The following SOCS7 variants were observed in gnomAD, a reference collection of about 807,000 sequenced individuals.
The protein encoded by SOCS7 is suppressor of cytokine signaling 7.
A neutral mutation model predicts 58.9 loss-of-function variants in SOCS7; 18 were observed. The observed-to-expected ratio is 0.31, with a 90% CI of 0.21 to 0.45. SOCS7 has a LOEUF of 0.45. SOCS7 is among the 20% of genes least tolerant of loss of function. SOCS7 has a pLI of 1.00. For missense variants in SOCS7, 667 were observed against 837.3 expected (o/e 0.80, Z 2.51); for synonymous variants, 388 against 364.3 (o/e 1.06, Z -0.74).
intron 7 of SOCS7, among the ~76,000 whole-genome samples, chr17:38,387,133 G>GTGTGTATATATA (rs1269515665): frequency 5.4e-5 from 4 of 73,494 alleles, no homozygotes; most frequent in Admixed American, 1.6e-4. Flanking sequence ...ATATATGTAT[G>GTGTGTATATATA]TATATATATA....
At chr17:38,377,870 A>G in intron 7 of SOCS7, 28 bp downstream of exon 7, 1 of 1,604,020 alleles carries the variant, frequency 6.2e-7, no homozygotes, top group South Asian at 1.1e-5. Context: ...TTAATTATTT[A>G]ACTTAAGTTG....
intron 7 of SOCS7, among the ~76,000 whole-genome samples, chr17:38,380,958 TACTC>T (rs1219074259): frequency 6.6e-6 from 1 of 152,214 alleles, no homozygotes; most frequent in East Asian, 1.9e-4. Context: ...TTAAGTTACT[TACTC>T]TAAAGGTAAC....
chr17:38,390,695 CTCTT>C (rs1179042320), intron 7 of SOCS7, among the ~76,000 whole-genome samples: 3 of 117,128 alleles, frequency 2.6e-5, no homozygotes, highest in Admixed American at 9.3e-5. Context: ...TTCCTTCCTT[CTCTT>C]TCTTTCTGTC....
chr17:38,365,225 A>G, intron 3 of SOCS7, 83 bp from the exon 4 acceptor site: 1 of 995,974 alleles, frequency 1.0e-6, no homozygotes, highest in Non-Finnish European at 1.5e-6. Flanking sequence ...GCAGCCTGAT[A>G]GTCCTTCTCC....
chr17:38,373,089 A>C (rs1274873036), intron 6 of SOCS7, among the ~76,000 whole-genome samples: 1 of 151,832 alleles, frequency 6.6e-6, no homozygotes, highest in African/African-American at 2.4e-5. Flanking sequence ...CTGGGCAACA[A>C]GAGCAGAACT....
chr17:38,361,842 C>A, intron 2 of SOCS7, 67 bp downstream of exon 2: 1 of 1,137,044 alleles, frequency 8.8e-7, no homozygotes, highest in Non-Finnish European at 1.3e-6. Context: ...TGTTGGGAAA[C>A]ACTTACAGAT....
chr17:38,351,968 C>G lies in SOCS7; in HGVS notation c.-85C>G, dbSNP rs948127095. Among the ~76,000 whole-genome samples the G allele has an allele frequency of 2.0e-5, 3 of 151,274 alleles. No individual in the cohort carries two copies. Among genetic ancestry groups the G allele is most frequent in the Non-Finnish European group, 4.4e-5 (3 of 67,648 alleles). On this transcript the variant is annotated 5_prime_UTR_variant, in exon 1 of 10. Transcript: ENST00000612932. ...CCGTTAGCGCTGTCGCTCCGGGGGC[C>G]GCGGCGGGCGGGGCTCCGGCGGGGC... is the stretch of plus-strand genomic sequence containing the variant.
At chr17:38,353,382 C>CT (rs2037588868) in intron 1 of SOCS7, among the ~76,000 whole-genome samples, 1 of 152,156 alleles carries the variant, frequency 6.6e-6, no homozygotes. Context: ...AGTGTTTGGC[C>CT]TTTGGGGCAA....
intron 7 of SOCS7, among the ~76,000 whole-genome samples, chr17:38,387,096 A>T (rs1188232112): frequency 9.7e-4 from 89 of 91,624 alleles, no homozygotes; most frequent in African/African-American, 4.5e-3. Flanking sequence ...AAAAAAAAAA[A>T]AAAAAAATAT....
Position 38,401,610 on chromosome 17 carries a change from GA to G in SOCS7, c.*2132del, listed in dbSNP as rs1258325430. 6 of 152,168 alleles carry G rather than the reference GA, an allele frequency of 3.9e-5. No individual in the cohort carries two copies. The highest frequency in any genetic ancestry group is 1.4e-4 in the African/African-American group (6 of 41,436). The allele number at this position is 152,168 out of a possible 1,614,324, so 9.4% of individuals were successfully genotyped here. A position where few individuals can be genotyped will look rare whatever the true frequency, so the allele number is the denominator to read the frequency against. ...TTAGGTGACTGCTGCACATCAAGCA[GA>G]AAATCAAGGACTATCTAAAGACGTT... On this transcript the variant is annotated 3_prime_UTR_variant, in exon 10 of 10. Coordinates refer to ENST00000612932, the MANE Select transcript of SOCS7 (RefSeq NM_014598.4).
At chr17:38,363,203 C>T (rs2037743324) in intron 2 of SOCS7, among the ~76,000 whole-genome samples, 2 of 152,174 alleles carry the variant, frequency 1.3e-5, no homozygotes, top group South Asian at 4.1e-4. Flanking sequence ...AAGTGCTCTA[C>T]CAATAGTCTA....
intron 7 of SOCS7, among the ~76,000 whole-genome samples, chr17:38,387,211 A>G (rs1483583783): frequency 1.4e-5 from 2 of 140,106 alleles, no homozygotes; most frequent in Non-Finnish European, 3.0e-5. Context: ...TGGGAGGCCG[A>G]GGCAGTTGGA....
chr17:38,389,204 T>G (rs563981608), intron 7 of SOCS7, among the ~76,000 whole-genome samples: 2 of 152,242 alleles, frequency 1.3e-5, no homozygotes, highest in East Asian at 3.8e-4. Context: ...TTATTGGCTA[T>G]TGTATCTCTA....
At chr17:38,379,797 A>G (rs1567745654) in intron 7 of SOCS7, among the ~76,000 whole-genome samples, 1 of 152,146 alleles carries the variant, frequency 6.6e-6, no homozygotes, top group Non-Finnish European at 1.5e-5. Flanking sequence ...TTCCTTCCTT[A>G]TAGGAGTTGA....
At chr17:38,389,870 TATATATATATATGTAC>T (rs1555571077) in intron 7 of SOCS7, among the ~76,000 whole-genome samples, 1 of 95,334 alleles carries the variant, frequency 1.0e-5, no homozygotes, top group African/African-American at 4.4e-5. Context: ...TGTGTGTACA[TATATATATATATGTAC>T]ATATATATAT....
intron 7 of SOCS7, among the ~76,000 whole-genome samples, chr17:38,386,214 C>G (rs1450977672): frequency 2.7e-5 from 4 of 148,638 alleles, no homozygotes; most frequent in Non-Finnish European, 5.9e-5. Flanking sequence ...ATCCCAGCTA[C>G]TTGGGAGGCT....
chr17:38,370,015 A>G (rs1056981079), intron 6 of SOCS7, among the ~76,000 whole-genome samples: 53 of 150,092 alleles, frequency 3.5e-4, no homozygotes, highest in East Asian at 2.0e-4. Context: ...CTGGTCTTGA[A>G]CTCCTGACCT....
intron 7 of SOCS7, among the ~76,000 whole-genome samples, chr17:38,382,370 C>T (rs1158140178): frequency 7.1e-6 from 1 of 139,908 alleles, no homozygotes; most frequent in African/African-American, 2.7e-5. Context: ...CCGGGTAGGT[C>T]AAGGCTGCAG....
At position 38,396,192 on chromosome 17, in the gene SOCS7, C is replaced by T. The variant is rs150808963; in HGVS notation, c.*30+194C>T. 1.5e-3 allele frequency among the ~76,000 whole-genome samples: 235 copies of T among 152,230 alleles called. 1 individual carries two copies. Among genetic ancestry groups the T allele is most frequent in the African/African-American group, 5.5e-3 (227 of 41,540 alleles). ...CCCATTTGGGAGAAAAGCAGACAGA[C>T]GAGAAAGACAAGAAAGTAGATTGCC... On this transcript the variant is annotated intron_variant, in intron 9 of 9. Coordinates refer to ENST00000612932, the MANE Select transcript of SOCS7 (RefSeq NM_014598.4).
Sources: gnomAD v4.1 joint callset for allele counts (sites outside exome capture counted in the v4.1 genomes callset) on GRCh38, gnomAD v4.1.1 for gene constraint, MANE v1.5 for transcripts, NCBI Gene and HGNC (gene_info 2026-07-23, HGNC 2026-07-21) for gene names.